Variants in TECPR2 observed in about 807,000 individuals in gnomAD.
TECPR2 encodes the protein tectonin beta-propeller repeat containing 2, also known as tectonin beta-propeller repeat-containing protein 2.
In TECPR2, 65 loss-of-function variants were observed where a neutral mutation model predicts 138.1. The ratio of observed to expected loss-of-function variants is 0.47; its 90% CI spans 0.39 to 0.58. TECPR2 has a LOEUF of 0.58. TECPR2 is among the 20% of genes least tolerant of loss of function. The pLI is 0.00. For synonymous variants in TECPR2, 746 were observed against 749.8 expected (o/e 0.99, Z 0.08); for missense variants, 1,553 against 1,824.5 (o/e 0.85, Z 2.71).
chr14:102,424,168 G>A (rs769636387), intron 5 of TECPR2, among the ~76,000 whole-genome samples: 13 of 152,098 alleles, frequency 8.5e-5, no homozygotes, highest in Non-Finnish European at 1.3e-4. Flanking sequence ...ATTGCTCCTG[G>A]GCTACAGACT....
intron 4 of TECPR2, among the ~76,000 whole-genome samples, chr14:102,410,100 C>T (rs1287892553): frequency 1.3e-5 from 2 of 152,182 alleles, no homozygotes; most frequent in African/African-American, 2.4e-5. Context: ...TGAGCCACTG[C>T]GCCTGGCTGA....
At position 102,399,251 on chromosome 14, in the gene TECPR2, G is replaced by A. The variant is rs966173108; in HGVS notation, c.220-8087G>A. 3.9e-5 allele frequency among the ~76,000 whole-genome samples: 6 copies of A among 152,320 alleles called. No homozygotes were observed. In the East Asian group the frequency reaches 5.8e-4, roughly 15 times the overall value. On this transcript the variant is annotated intron_variant, in intron 2 of 19. Transcript: ENST00000359520. ...CACTCCAGCCTGGATGACAGAGTGAGAATCTGTCTCAAAAAACAAAACAAA... is the reference window on the plus strand; with the variant it reads ...CACTCCAGCCTGGATGACAGAGTGAAAATCTGTCTCAAAAAACAAAACAAA...
Position 102,429,947 on chromosome 14 carries a change from A to C in TECPR2, c.1084+1565A>C, listed in dbSNP as rs544265329. On this transcript the variant is annotated intron_variant, in intron 7 of 19. Transcript: ENST00000359520. ...AGTGCAGCTGAGAGATGAATTTTAC[A>C]TTTTGTTTAATTTTTATTTTATTTT... Among the ~76,000 whole-genome samples the C allele has an allele frequency of 6.6e-5, 10 of 152,132 alleles. No individual in the cohort carries two copies. In the South Asian group the frequency reaches 1.0e-3, roughly 16 times the overall value.
In TECPR2 at chr14:102,498,910, C is replaced by T. The variant is rs1891367244; in HGVS notation, c.*653C>T. On this transcript the variant is annotated 3_prime_UTR_variant, in exon 20 of 20. Coordinates refer to ENST00000359520, the MANE Select transcript of TECPR2 (RefSeq NM_014844.5). ...CACACCACAGCACACCTCACCACAC[C>T]ACACCGCACTGCACCATACCTCACC... 1 of 686,270 alleles carries T rather than the reference C, an allele frequency of 1.5e-6. No individual in the cohort carries two copies. Among genetic ancestry groups the T allele is most frequent in the Non-Finnish European group, 2.7e-6 (1 of 374,376 alleles). The allele number at this position is 686,270 out of a possible 1,614,324, so 42.5% of individuals were successfully genotyped here. A position where few individuals can be genotyped will look rare whatever the true frequency, so the allele number is the denominator to read the frequency against.
At chr14:102,375,874 A>G (rs1292607157) in intron 1 of TECPR2, among the ~76,000 whole-genome samples, 2 of 152,112 alleles carry the variant, frequency 1.3e-5, no homozygotes, top group African/African-American at 4.8e-5. Flanking sequence ...GTCCCTTCTA[A>G]AAGTTAGGGA....
chr14:102,460,327 A>G (rs1217294954), intron 16 of TECPR2, among the ~76,000 whole-genome samples: 1 of 151,652 alleles, frequency 6.6e-6, no homozygotes, highest in Non-Finnish European at 1.5e-5. Flanking sequence ...TTAATTAAAA[A>G]ACAAGGCCAG....
intron 12 of TECPR2, among the ~76,000 whole-genome samples, chr14:102,444,805 C>T (rs1889926488): frequency 6.6e-6 from 1 of 152,126 alleles, no homozygotes. Flanking sequence ...AATCCCGTCT[C>T]TATTAAAAAT....
In TECPR2 at chr14:102,424,588, C is replaced by T. The variant is rs1889264760; in HGVS notation, c.639-391C>T. Among the ~76,000 whole-genome samples the T allele has an allele frequency of 2.0e-5, 3 of 152,228 alleles. No homozygotes were observed. The South Asian group carries it at 6.2e-4, about 31-fold the overall frequency. ...GACCTCAGATGATCTGCCGTCTTGG[C>T]CTCCCAAAGTGCTGAGATTGCAGGC... On this transcript the variant is annotated intron_variant, in intron 5 of 19. Coordinates refer to ENST00000359520, the MANE Select transcript of TECPR2 (RefSeq NM_014844.5).
chr14:102,492,860 G>A lies in TECPR2; in HGVS notation c.3790-4119G>A, dbSNP rs922305670. ...TCTGTTCTAGCGGCTTCTAGTAAAG[G>A]CTGTTAATGGGCGGAGGCTCACATT... On this transcript the variant is annotated intron_variant, in intron 17 of 19. Coordinates refer to ENST00000359520, the MANE Select transcript of TECPR2 (RefSeq NM_014844.5). Among the ~76,000 whole-genome samples the A allele has an allele frequency of 2.6e-5, 4 of 152,264 alleles. 1 individual carries two copies. Among genetic ancestry groups the A allele is most frequent in the African/African-American group, 4.8e-5 (2 of 41,476 alleles).
chr14:102,384,125 G>A (rs1430589485), intron 2 of TECPR2, among the ~76,000 whole-genome samples: 2 of 151,674 alleles, frequency 1.3e-5, no homozygotes, highest in Non-Finnish European at 2.9e-5. Context: ...CTCCGTGTTG[G>A]CCAGGCTGGT....
chr14:102,446,308 A>G (rs1889979410), intron 13 of TECPR2, among the ~76,000 whole-genome samples: 1 of 152,018 alleles, frequency 6.6e-6, no homozygotes, highest in South Asian at 2.1e-4. Flanking sequence ...AGCTCAAGAG[A>G]TCCACCCAGA....
chr14:102,363,266 C>T, intron 1 of TECPR2, 150 bp downstream of exon 1: 1 of 190,580 alleles, frequency 5.2e-6, no homozygotes, highest in Non-Finnish European at 1.1e-5. Flanking sequence ...CCCTCGCCCG[C>T]GGTCTCGCCC....
chr14:102,426,309 GA>G (rs1259708357), intron 6 of TECPR2, among the ~76,000 whole-genome samples: 1 of 151,990 alleles, frequency 6.6e-6, no homozygotes. Flanking sequence ...CTTAAACCAA[GA>G]TGATAACAGA....
chr14:102,454,814 G>T (rs1890235482), intron 16 of TECPR2, among the ~76,000 whole-genome samples: 1 of 152,224 alleles, frequency 6.6e-6, no homozygotes, highest in African/African-American at 2.4e-5. Flanking sequence ...GTGAGAAGCA[G>T]AACTGCTTCC....
At chr14:102,465,752 G>C in intron 17 of TECPR2, 1 of 678,394 alleles carries the variant, frequency 1.5e-6, no homozygotes, top group South Asian at 6.6e-5. Flanking sequence ...CTGCTGGCCA[G>C]CTCCTGCCAT....
At position 102,443,925 on chromosome 14, in the gene TECPR2, G is replaced by A; in HGVS notation, c.2933+98G>A. 2 of 1,219,178 alleles carry A rather than the reference G, an allele frequency of 1.6e-6. No homozygotes were observed. The highest frequency in any genetic ancestry group is 2.8e-5 in the Admixed American group (1 of 35,460). 75.5% of individuals were successfully genotyped at this position (1,219,178 alleles called of 1,614,324 possible). Reference sequence around the variant, plus strand: ...AGGCACCATGAGGCCGTTCCTGGGAGGCAGCACCTGCAGCCTCCATGGCTA... The same window carrying A: ...AGGCACCATGAGGCCGTTCCTGGGAAGCAGCACCTGCAGCCTCCATGGCTA... On this transcript the variant is annotated intron_variant, in intron 12 of 19. Transcript: ENST00000359520. This position sits in a 1 kb window ranked among gnomAD's most constrained non-coding sequence, Gnocchi z 4.9.
chr14:102,425,069 G>A lies in TECPR2; in HGVS notation c.729G>A (p.Trp243Ter). 6.2e-7 allele frequency: 1 copy of A among 1,614,124 alleles called. No individual in the cohort carries two copies. Among genetic ancestry groups the A allele is most frequent in the Non-Finnish European group, 8.5e-7 (1 of 1,180,030 alleles). Residue 243 changes from tryptophan (W) to a stop codon, truncating the protein, a stop_gained, in exon 6 of 20, where the codon TGG becomes TGA. Transcript: ENST00000359520. LOFTEE classifies it high-confidence loss of function. ...CGTCACGGCCCGGGCTCCGGCTATG[G>A]AAGGCTGATGTCCACGGGACTGTTC... ...LYASRPGLRL[W>*]KADVHGTVQA...
intron 6 of TECPR2, among the ~76,000 whole-genome samples, chr14:102,425,728 A>AC (rs772558113): frequency 2.6e-5 from 4 of 151,824 alleles, no homozygotes; most frequent in South Asian, 2.1e-4. Flanking sequence ...GACGCATGCC[A>AC]CCACGCCTGG....
chr14:102,493,463 G>T (rs1891201636), intron 17 of TECPR2, among the ~76,000 whole-genome samples: 1 of 152,212 alleles, frequency 6.6e-6, no homozygotes, highest in Non-Finnish European at 1.5e-5. Flanking sequence ...TGGGGGCTTA[G>T]CCTAGAACAG....
Sources: gnomAD v4.1 joint callset for allele counts (sites outside exome capture counted in the v4.1 genomes callset) on GRCh38, gnomAD v4.1.1 for gene constraint, Gnocchi (gnomAD v3.1) non-coding constraint, MANE v1.5 for transcripts, NCBI Gene and HGNC (gene_info 2026-07-23, HGNC 2026-07-21) for gene names.